Variants in PSMA6 observed in about 807,000 individuals in gnomAD.
PSMA6 encodes the protein proteasome 20S subunit alpha 6, also known as proteasome subunit alpha type-6.
For synonymous variants in PSMA6, 88 were observed against 97.7 expected, an observed-to-expected ratio of 0.90 and a Z score of 0.59; for missense variants, 170 against 294.8, an observed-to-expected ratio of 0.58 and a Z score of 3.10.
upstream of PSMA6, among the ~76,000 whole-genome samples, chr14:35,288,477 G>A (rs766548104): frequency 2.6e-5 from 4 of 152,162 alleles, no homozygotes; most frequent in Non-Finnish European, 4.4e-5. Context: ...CAGCCTAGGC[G>A]ACAGAGCGAG....
Position 35,287,007 on chromosome 14 carries a change from G to A in PSMA6, c.19+8289G>A, listed in dbSNP as rs577906576. 1.6e-4 allele frequency among the ~76,000 whole-genome samples: 24 copies of A among 152,292 alleles called. No homozygotes were observed. The South Asian group carries it at 4.8e-3, about 30-fold the overall frequency. On this transcript the variant is annotated intron_variant, in intron 1 of 6. Coordinates refer to the PSMA6 transcript ENST00000540871. Reference sequence around the variant, plus strand: ...CCAAACCACATTTGGTGCTCCATTTGTCCGTTTCCTTTACCCATAAATTAT... The same window carrying A: ...CCAAACCACATTTGGTGCTCCATTTATCCGTTTCCTTTACCCATAAATTAT...
chr14:35,286,705 C>T (rs778951351), intron 1 of PSMA6, among the ~76,000 whole-genome samples: 1 of 152,134 alleles, frequency 6.6e-6, no homozygotes, highest in Non-Finnish European at 1.5e-5. Flanking sequence ...CAAAGGACAG[C>T]ATTTATTCTG....
chr14:35,296,858 G>A (rs2051599229), intron 1 of PSMA6, among the ~76,000 whole-genome samples: 1 of 152,088 alleles, frequency 6.6e-6, no homozygotes, highest in Non-Finnish European at 1.5e-5. Flanking sequence ...ATACATACAT[G>A]TGCATATCTA....
rs533546872 is a variant in PSMA6, at chr14:35,295,454, T to C, written c.76+2902T>C. On this transcript the variant is annotated intron_variant, in intron 1 of 6. Transcript: ENST00000261479. ...GTGGAGAGAAAGACTTTTTCTTTTT[T>C]TTTTTTTTCCCTTTGAGACAGAGTT... is the stretch of plus-strand genomic sequence containing the variant. 7.8e-4 allele frequency among the ~76,000 whole-genome samples: 118 copies of C among 151,984 alleles called. 1 individual carries two copies. The highest frequency in any genetic ancestry group is 2.7e-3 in the African/African-American group (112 of 41,484).
At chr14:35,289,308 G>A (rs546871620), upstream of PSMA6, among the ~76,000 whole-genome samples, 9 of 151,826 alleles carry the variant, frequency 5.9e-5, no homozygotes, top group South Asian at 8.3e-4. Flanking sequence ...GGGCATGAGG[G>A]ACAATAAACA....
At chr14:35,315,016 T>TCA (rs2052019823) in intron 6 of PSMA6, 1 of 147,940 alleles carries the variant, frequency 6.8e-6, no homozygotes, top group Non-Finnish European at 1.5e-5. Flanking sequence ...CTCCCACACA[T>TCA]CAGCCTTATA....
At position 35,292,786 on chromosome 14, in the gene PSMA6, A is replaced by G. The variant is rs573345909; in HGVS notation, c.76+234A>G. ...GCGAGCGGCCACACTGCGTAGACCC[A>G]ATGGAGAGTTAAGGAAGATAGGGCT... On this transcript the variant is annotated intron_variant, in intron 1 of 6. Coordinates refer to ENST00000261479, the MANE Select transcript of PSMA6 (RefSeq NM_002791.3). Among the ~76,000 whole-genome samples, 6 of 152,342 alleles carry G rather than the reference A, an allele frequency of 3.9e-5. No individual in the cohort carries two copies. In the East Asian group the frequency reaches 9.6e-4, roughly 24 times the overall value.
chr14:35,316,359 C>T (rs2052044322), intron 6 of PSMA6: 3 of 144,616 alleles, frequency 2.1e-5, no homozygotes, highest in African/African-American at 7.7e-5. Flanking sequence ...GCACTCCAGC[C>T]TGGGCGACAG....
upstream of PSMA6, among the ~76,000 whole-genome samples, chr14:35,290,882 T>G (rs2051470373): frequency 6.6e-6 from 1 of 152,230 alleles, no homozygotes; most frequent in Non-Finnish European, 1.5e-5. Flanking sequence ...TTACTCTCAT[T>G]AATCCATGCA....
At chr14:35,290,126 A>G (rs2051462218), upstream of PSMA6, among the ~76,000 whole-genome samples, 1 of 152,112 alleles carries the variant, frequency 6.6e-6, no homozygotes, top group Non-Finnish European at 1.5e-5. Flanking sequence ...ATATGTCTCA[A>G]TGTGAAAAAT....
At position 35,279,986 on chromosome 14, in the gene PSMA6, G is replaced by A. The variant is rs183512713; in HGVS notation, c.19+1268G>A. Reference sequence around the variant, plus strand: ...AAAAACACAAAAAAATTAGCCAGGCGTGGTGGCAGGTGCCTGTAATCCCAG... The same window carrying A: ...AAAAACACAAAAAAATTAGCCAGGCATGGTGGCAGGTGCCTGTAATCCCAG... On this transcript the variant is annotated intron_variant, in intron 1 of 6. Transcript: ENST00000540871. Among the ~76,000 whole-genome samples the A allele has an allele frequency of 4.5e-3, 677 of 152,050 alleles. 3 individuals are homozygous for A. The highest frequency in any genetic ancestry group is 8.0e-3 in the Non-Finnish European group (541 of 67,984).
chr14:35,296,326 T>C (rs1342361085), intron 1 of PSMA6, among the ~76,000 whole-genome samples: 1 of 151,614 alleles, frequency 6.6e-6, no homozygotes. Flanking sequence ...TGGGTGTTTG[T>C]TTGTTTGTTT....
At chr14:35,302,104 G>A (rs2051725741) in intron 1 of PSMA6, among the ~76,000 whole-genome samples, 1 of 151,942 alleles carries the variant, frequency 6.6e-6, no homozygotes, top group South Asian at 2.1e-4. Context: ...TGCCATATAA[G>A]GTAACATTCA....
chr14:35,315,039 C>G (rs1012477514), intron 6 of PSMA6: 1 of 151,324 alleles, frequency 6.6e-6, no homozygotes, highest in African/African-American at 2.4e-5. Flanking sequence ...TTCCATGATT[C>G]AAATCCATAC....
upstream of PSMA6, among the ~76,000 whole-genome samples, chr14:35,287,401 A>G (rs905657707): frequency 6.6e-6 from 1 of 152,212 alleles, no homozygotes. Context: ...CTAATATCAT[A>G]TGGAAACACA....
chr14:35,303,989 TTTAG>T (rs2051771083), intron 1 of PSMA6, among the ~76,000 whole-genome samples: 2 of 152,094 alleles, frequency 1.3e-5, no homozygotes, highest in African/African-American at 4.8e-5. Context: ...TTCTTTTTTT[TTTAG>T]ACGGAGTCTC....
intron 1 of PSMA6, among the ~76,000 whole-genome samples, chr14:35,298,100 C>G (rs2138724550): frequency 6.6e-6 from 1 of 152,164 alleles, no homozygotes; most frequent in South Asian, 2.1e-4. Context: ...TCGTGTGGTT[C>G]AATCTAATAC....
chr14:35,304,790 C>G (rs1209086181), intron 1 of PSMA6, among the ~76,000 whole-genome samples: 1 of 151,690 alleles, frequency 6.6e-6, no homozygotes, highest in African/African-American at 2.4e-5. Context: ...TTATAATTAA[C>G]CAATTAAATT....
intron 1 of PSMA6, among the ~76,000 whole-genome samples, chr14:35,307,656 C>T (rs1375834118): frequency 6.6e-6 from 1 of 152,110 alleles, no homozygotes; most frequent in Non-Finnish European, 1.5e-5. Flanking sequence ...CTAGCGTTAA[C>T]CTGGCAGGCA....
Sources: allele counts gnomAD v4.1 joint callset (sites outside exome capture counted in the v4.1 genomes callset), GRCh38; gene constraint gnomAD v4.1.1; transcripts MANE v1.5; gene names NCBI Gene and HGNC (gene_info 2026-07-23, HGNC 2026-07-21).